The following MKNK2 variants were observed in gnomAD, a reference collection of about 807,000 sequenced individuals.
MKNK2 encodes MAPK interacting serine/threonine kinase 2, also known as MAP kinase-interacting serine/threonine-protein kinase 2.
MKNK2 carries 54 observed loss-of-function variants against 55.0 expected under a neutral mutation model. The observed-to-expected ratio is 0.98, with a 90% CI of 0.79 to 1.23. The LOEUF (loss-of-function observed/expected upper bound fraction) is 1.23. Among genes scored for constraint, MKNK2 ranks in the 50% most tolerant of loss-of-function variants. The probability of loss-of-function intolerance (pLI) is 0.00; values close to 1 mark genes in which losing one functional copy is unlikely to be tolerated. For missense variants in MKNK2, 685 were observed against 632.1 expected (o/e 1.08, Z -0.90); for synonymous variants, 323 against 256.0 (o/e 1.26, Z -2.50).
In MKNK2 at chr19:2,038,153, G is replaced by C; in HGVS notation, c.*1460C>G. 9.6e-7 allele frequency: 1 copy of C among 1,046,988 alleles called. No homozygotes were observed. Among genetic ancestry groups the C allele is most frequent in the Non-Finnish European group, 1.1e-6 (1 of 870,922 alleles). 64.9% of individuals were successfully genotyped at this position (1,046,988 alleles called of 1,614,324 possible). A position where few individuals can be genotyped will look rare whatever the true frequency, so the allele number is the denominator to read the frequency against. ...CATACGAGATTCAGGAGGGGCAGCA[G>C]GGCCAGGCAGACGGTCTCCGAGGCC... On this transcript the variant is annotated 3_prime_UTR_variant, in exon 14 of 14. Transcript: ENST00000250896.
rs2145679374 is a variant in MKNK2, at chr19:2,037,676, C to A, written c.*1937G>T. 14 of 972,934 alleles carry A rather than the reference C, an allele frequency of 1.4e-5. No homozygotes were observed. Among genetic ancestry groups the A allele is most frequent in the Non-Finnish European group, 1.9e-5 (13 of 685,666 alleles). The allele number at this position is 972,934 out of a possible 1,614,324, so 60.3% of individuals were successfully genotyped here. On this transcript the variant is annotated 3_prime_UTR_variant, in exon 14 of 14. Coordinates refer to ENST00000250896, the MANE Select transcript of MKNK2 (RefSeq NM_199054.3). ...TTTTAAAAACATCGTAACATTAACA[C>A]ATGGCCGTTCACCGTCCCCCAGCGA...
At chr19:2,045,368 G>A (rs2016974958) in intron 5 of MKNK2, among the ~76,000 whole-genome samples, 1 of 152,208 alleles carries the variant, frequency 6.6e-6, no homozygotes, top group African/African-American at 2.4e-5. Flanking sequence ...GTGTGGAAGT[G>A]CTTCCGGAGG....
Position 2,041,079 on chromosome 19 carries a change from C to T in MKNK2, c.1071G>A (p.Leu357=). The change falls in exon 12 of 14, where the codon CTG becomes CTA. Residue 357 remains leucine (L), a synonymous_variant. Coordinates refer to ENST00000250896, the MANE Select transcript of MKNK2 (RefSeq NM_199054.3). The stretch of plus-strand genomic sequence containing the variant: ...GGTGCTGCAGGACTTGGGCGGCACT[C>T]AGCCTCTGCTTGGCGTCACGGACCA... ...KLLVRDAKQR[L]SAAQVLQHPW... 1 of 1,614,014 alleles carries T rather than the reference C, an allele frequency of 6.2e-7. No individual in the cohort carries two copies. Among genetic ancestry groups the T allele is most frequent in the Non-Finnish European group, 8.5e-7 (1 of 1,179,944 alleles).
chr19:2,048,112 A>C (rs2017037781), intron 2 of MKNK2, among the ~76,000 whole-genome samples: 1 of 152,098 alleles, frequency 6.6e-6, no homozygotes, highest in South Asian at 2.1e-4. Flanking sequence ...CTCCCATTTC[A>C]GTGCCAGACA....
rs760798288 is a variant in MKNK2 at position 2,041,026 on chromosome 19, C to T, written c.1110+14G>A. ...CCCCATACCCCTCCTGCCGCCCGTG[C>T]GGCTGGTACTCACCCCCTGAACCCA... On this transcript the variant is annotated intron_variant, in intron 12 of 13. Transcript: ENST00000250896. The T allele has an allele frequency of 9.9e-6, 16 of 1,613,128 alleles. No homozygotes were observed. Among genetic ancestry groups the T allele is most frequent in the East Asian group, 6.7e-5 (3 of 44,868 alleles).
In MKNK2 at chr19:2,046,593, G is replaced by C. The variant is rs2287004; in HGVS notation, c.139+11C>G. On this transcript the variant is annotated intron_variant, in intron 3 of 13. Transcript: ENST00000250896. ...GCTGCCCTGTGCCCTCCTCCCCCTC[G>C]GGCCCCTCACCAGGGCGGGCTGAGC... The C allele has an allele frequency of 2.6e-6, 4 of 1,561,282 alleles. No homozygotes were observed. In the South Asian group the frequency reaches 3.5e-5, roughly 14 times the overall value.
chr19:2,039,301 T>G lies in MKNK2; in HGVS notation c.*312A>C. 1 of 1,219,002 alleles carries G rather than the reference T, an allele frequency of 8.2e-7. No homozygotes were observed. The allele number at this position is 1,219,002 out of a possible 1,614,324, so 75.5% of individuals were successfully genotyped here. A position where few individuals can be genotyped will look rare whatever the true frequency, so the allele number is the denominator to read the frequency against. The stretch of plus-strand genomic sequence containing the variant: ...CAGCACAGGTGACCTGGGGGCACCT[T>G]CATAGTAGAGGTGAGCAGGGCGGGG... On this transcript the variant is annotated 3_prime_UTR_variant, in exon 14 of 14. Coordinates refer to ENST00000250896, the MANE Select transcript of MKNK2 (RefSeq NM_199054.3).
Position 2,038,060 on chromosome 19 carries a change from G to T in MKNK2, c.*1553C>A. ...CCCCCAGGGGTCTTTGGAAGGGGCA[G>T]TCCACAGATATGGGCAGTGGGGACC... On this transcript the variant is annotated 3_prime_UTR_variant, in exon 14 of 14. Transcript: ENST00000250896. 1 of 1,253,046 alleles carries T rather than the reference G, an allele frequency of 8.0e-7. No individual in the cohort carries two copies. 77.6% of individuals were successfully genotyped at this position (1,253,046 alleles called of 1,614,324 possible).
In MKNK2 at chr19:2,039,579, C is replaced by A; in HGVS notation, c.*34G>T. 6.3e-7 allele frequency: 1 copy of A among 1,576,898 alleles called. No homozygotes were observed. The highest frequency in any genetic ancestry group is 1.1e-5 in the South Asian group (1 of 89,676). ...AAAACCTTTAGATTTGATTGGGGGA[C>A]GGGTGACCTATGTACAGAGGGGAGA... On this transcript the variant is annotated 3_prime_UTR_variant, in exon 14 of 14. Transcript: ENST00000250896.
chr19:2,039,537 G>C lies in MKNK2; in HGVS notation c.*76C>G. On this transcript the variant is annotated 3_prime_UTR_variant, in exon 14 of 14. Transcript: ENST00000250896. ...GAGGAGGGGCAGCCCGCTGGACACC[G>C]GCTGGCGATAGCTTAAAAAACCTTT... 1 of 1,503,828 alleles carries C rather than the reference G, an allele frequency of 6.6e-7. No individual in the cohort carries two copies. Among genetic ancestry groups the C allele is most frequent in the Non-Finnish European group, 8.9e-7 (1 of 1,123,830 alleles). 93.2% of individuals were successfully genotyped at this position (1,503,828 alleles called of 1,614,324 possible). A position where few individuals can be genotyped will look rare whatever the true frequency, so the allele number is the denominator to read the frequency against.
intron 2 of MKNK2, 110 bp downstream of exon 2, chr19:2,050,691 G>T (rs1290532555): frequency 9.5e-7 from 1 of 1,054,790 alleles, no homozygotes; most frequent in Non-Finnish European, 1.4e-6. Flanking sequence ...GTAGGGCGGG[G>T]GCCAGGCACG....
intron 12 of MKNK2, chr19:2,040,746 G>C: frequency 2.1e-6 from 1 of 466,838 alleles, no homozygotes; most frequent in East Asian, 4.0e-5. Flanking sequence ...ATGTGAGCTG[G>C]GCTCGCTGCC....
At chr19:2,042,908 G>A (rs748329880) in intron 7 of MKNK2, 38 bp from the exon 8 acceptor site, 12 of 1,533,348 alleles carry the variant, frequency 7.8e-6, no homozygotes, top group African/African-American at 5.5e-5. Context: ...GGGGGAACAC[G>A]CAGGTCACCT....
intron 12 of MKNK2, 23 bp from the exon 13 acceptor site, chr19:2,040,200 C>T: frequency 6.4e-7 from 1 of 1,558,840 alleles, no homozygotes. Flanking sequence ...TGGGCGGGGG[C>T]AGGGCTGGAG....
At chr19:2,043,624 G>A (rs566216891) in intron 5 of MKNK2, 42 bp from the exon 6 acceptor site, 11 of 1,574,902 alleles carry the variant, frequency 7.0e-6, no homozygotes, top group South Asian at 6.7e-5. Context: ...TTGGTGGGAC[G>A]CTCATAGTCG....
rs2016777014 is a variant in MKNK2, at chr19:2,037,705, G to C, written c.*1908C>G. The C allele has an allele frequency of 6.7e-7, 1 of 1,484,702 alleles. No individual in the cohort carries two copies. Among genetic ancestry groups the C allele is most frequent in the Non-Finnish European group, 9.2e-7 (1 of 1,090,834 alleles). 92.0% of individuals were successfully genotyped at this position (1,484,702 alleles called of 1,614,324 possible). A position where few individuals can be genotyped will look rare whatever the true frequency, so the allele number is the denominator to read the frequency against. ...GCCGTTCACCGTCCCCCAGCGATGG[G>C]AGCTGGCCTGGGGCCCAGGGTCCTC... On this transcript the variant is annotated 3_prime_UTR_variant, in exon 14 of 14. Coordinates refer to ENST00000250896, the MANE Select transcript of MKNK2 (RefSeq NM_199054.3).
Position 2,041,590 on chromosome 19 carries a change from C to G in MKNK2, c.945+250G>C, listed in dbSNP as rs568128784. On this transcript the variant is annotated intron_variant, in intron 11 of 13. Coordinates refer to ENST00000250896, the MANE Select transcript of MKNK2 (RefSeq NM_199054.3). The stretch of plus-strand genomic sequence containing the variant: ...CGGGAAACTGGCAGACAGGGCGGCA[C>G]TGCCCTGTGGATGGCATCAGGGAGT... 1.1e-3 allele frequency among the ~76,000 whole-genome samples: 175 copies of G among 152,296 alleles called. 1 individual carries two copies. Among genetic ancestry groups the G allele is most frequent in the Admixed American group, 5.6e-3 (85 of 15,300 alleles).
Position 2,046,695 on chromosome 19 carries a change from C to T in MKNK2, c.52-4G>A, listed in dbSNP as rs762988379. ...CCAGCTCGAAGGGGTTCTGCCCCTG[C>T]AGGGGAGAGGAGAGGAGAGGCACTC... On this transcript the variant is annotated splice_region_variant and splice_polypyrimidine_tract_variant and intron_variant, in intron 2 of 13. Transcript: ENST00000250896. The T allele has an allele frequency of 2.0e-6, 3 of 1,514,948 alleles. No homozygotes were observed. The highest frequency in any genetic ancestry group is 8.8e-7 in the Non-Finnish European group (1 of 1,132,318). 93.8% of individuals were successfully genotyped at this position (1,514,948 alleles called of 1,614,324 possible). A position where few individuals can be genotyped will look rare whatever the true frequency, so the allele number is the denominator to read the frequency against.
intron 13 of MKNK2, 124 bp from the exon 14 acceptor site, chr19:2,039,980 CTG>C (rs1216653692): frequency 5.0e-6 from 7 of 1,399,098 alleles, no homozygotes; most frequent in African/African-American, 1.4e-5. Context: ...TGGGGCTCCT[CTG>C]AGCACCAGGG....
Sources: allele counts gnomAD v4.1 joint callset (sites outside exome capture counted in the v4.1 genomes callset), GRCh38; gene constraint gnomAD v4.1.1; transcripts MANE v1.5; gene names NCBI Gene and HGNC (gene_info 2026-07-23, HGNC 2026-07-21).